ZNF44: variants seen among roughly 807,000 people sequenced by gnomAD.
The protein encoded by ZNF44 is zinc finger protein 44, also known as gonadotropin inducible transcription repressor-2.
In ZNF44, 9 loss-of-function variants were observed where a neutral mutation model predicts 11.7. The ratio of observed to expected loss-of-function variants is 0.77; its 90% CI spans 0.46 to 1.35. ZNF44 has a LOEUF of 1.35. Among genes scored for constraint, ZNF44 ranks in the 40% most tolerant of loss-of-function variants. The probability of loss-of-function intolerance (pLI) is 0.00; values close to 1 mark genes in which losing one functional copy is unlikely to be tolerated. For missense variants in ZNF44, 696 were observed against 743.1 expected, an observed-to-expected ratio of 0.94 and a Z score of 0.74; for synonymous variants, 224 against 242.7, an observed-to-expected ratio of 0.92 and a Z score of 0.72.
chr19:12,258,387 A>G (rs1917357667), intron 5 of ZNF44, among the ~76,000 whole-genome samples: 1 of 151,250 alleles, frequency 6.6e-6, no homozygotes, highest in African/African-American at 2.4e-5. Context: ...CCTTCACTAC[A>G]ACCATACAAC....
rs554919647 is a variant in ZNF44 at position 12,293,964 on chromosome 19, A to G, written c.3+728T>C. Among the ~76,000 whole-genome samples the G allele has an allele frequency of 3.3e-5, 5 of 151,326 alleles. No homozygotes were observed. In the South Asian group the frequency reaches 8.3e-4, roughly 25 times the overall value. On this transcript the variant is annotated intron_variant, in intron 1 of 3. Transcript: ENST00000355684. ...GCTGGAGGCGAGATTGCAGTTAGAT[A>G]TTAACCAGGTGCCCTCAGCCCCGCT...
chr19:12,280,803 A>G (rs1967447786), intron 1 of ZNF44, among the ~76,000 whole-genome samples: 1 of 152,226 alleles, frequency 6.6e-6, no homozygotes, highest in Non-Finnish European at 1.5e-5. Context: ...TGGAAGACCT[A>G]TATTACATTC....
In ZNF44 at chr19:12,251,217, G is replaced by C. The variant is rs56328371; in HGVS notation, c.1913-849C>G. Reference sequence around the variant, plus strand: ...GTGGTGGTGCATGCCTATAATTCCAGCTACTTAGGAGGCTGAGGCAGGAGA... The same window carrying C: ...GTGGTGGTGCATGCCTATAATTCCACCTACTTAGGAGGCTGAGGCAGGAGA... On this transcript the variant is annotated intron_variant and NMD_transcript_variant, in intron 5 of 7. Transcript: ENST00000393337. 8.4e-3 allele frequency among the ~76,000 whole-genome samples: 1,270 copies of C among 152,070 alleles called. 10 individuals carry two copies. Among genetic ancestry groups the C allele is most frequent in the Non-Finnish European group, 0.011 (774 of 68,008 alleles).
chr19:12,267,581 G>A (rs1917781606), downstream of ZNF44, among the ~76,000 whole-genome samples: 1 of 152,040 alleles, frequency 6.6e-6, no homozygotes, highest in Admixed American at 6.6e-5. Context: ...GTTGAAAGGG[G>A]CCCAAGAGTC....
chr19:12,283,773 G>A (rs570299472), intron 1 of ZNF44, among the ~76,000 whole-genome samples: 1 of 152,322 alleles, frequency 6.6e-6, no homozygotes, highest in South Asian at 2.1e-4. Context: ...CCAGTACTGT[G>A]GGAGGCCAAG....
Position 12,272,241 on chromosome 19 carries a change from G to T in ZNF44, c.*166C>A. 1 of 1,184,762 alleles carries T rather than the reference G, an allele frequency of 8.4e-7. No individual in the cohort carries two copies. Among genetic ancestry groups the T allele is most frequent in the African/African-American group, 1.6e-5 (1 of 63,346 alleles). 73.4% of individuals were successfully genotyped at this position (1,184,762 alleles called of 1,614,324 possible). A position where few individuals can be genotyped will look rare whatever the true frequency, so the allele number is the denominator to read the frequency against. Reference sequence around the variant, plus strand: ...GCTGGTCTCGATCTCCTGGCCTCGTGATCTGCCCTCCTCGGCCTCTCAAAG... The same window carrying T: ...GCTGGTCTCGATCTCCTGGCCTCGTTATCTGCCCTCCTCGGCCTCTCAAAG... On this transcript the variant is annotated 3_prime_UTR_variant, in exon 4 of 4. Coordinates refer to ENST00000355684, the MANE Select transcript of ZNF44 (RefSeq NM_016264.4).
intron 5 of ZNF44, among the ~76,000 whole-genome samples, chr19:12,253,616 T>C (rs1411371011): frequency 6.6e-6 from 1 of 152,092 alleles, no homozygotes; most frequent in African/African-American, 2.4e-5. Context: ...GATACATGAA[T>C]CCATGACTAT....
chr19:12,229,119 TTA>T (rs879524345), intron 3 of ZNF44, among the ~76,000 whole-genome samples: 38 of 152,188 alleles, frequency 2.5e-4, no homozygotes, highest in Non-Finnish European at 4.7e-4. Context: ...CCAATTATAA[TTA>T]GAGTTCCTTT....
intron 2 of ZNF44, among the ~76,000 whole-genome samples, chr19:12,275,569 C>A (rs537751580): frequency 6.6e-6 from 1 of 152,170 alleles, no homozygotes; most frequent in South Asian, 2.1e-4. Flanking sequence ...TGGTGTGAAC[C>A]CGGGAGGCGG....
At position 12,228,479 on chromosome 19, in the gene ZNF44, G is replaced by C. The variant is rs141226768; in HGVS notation, n.437-1952C>G. Among the ~76,000 whole-genome samples the C allele has an allele frequency of 2.0e-3, 302 of 152,218 alleles. 1 individual carries two copies. Among genetic ancestry groups the C allele is most frequent in the African/African-American group, 6.9e-3 (285 of 41,542 alleles). The stretch of plus-strand genomic sequence containing the variant: ...AGCTGCAAAGCAGGCAAGTTGTACA[G>C]GTAAGAGTTATAGGGGCATTTTATA... On this transcript the variant is annotated intron_variant and non_coding_transcript_variant, in intron 3 of 3. Transcript: ENST00000597563.
Position 12,276,011 on chromosome 19 carries a change from C to A in ZNF44, c.75G>T (p.Gln25His). Residue 25 changes from glutamine to histidine, a missense_variant, in exon 2 of 4, where the codon CAG becomes CAT. Transcript: ENST00000355684. ...HEEWALLGPS[Q>H]KNLYRDVMRE... ...GCATCACATCTCTGTAGAGATTCTTCTGTGATGGACCCAGCAAAGCCCACT... is the reference window on the plus strand; with the variant it reads ...GCATCACATCTCTGTAGAGATTCTTATGTGATGGACCCAGCAAAGCCCACT... 1 of 1,609,848 alleles carries A rather than the reference C, an allele frequency of 6.2e-7. No homozygotes were observed. The highest frequency in any genetic ancestry group is 8.5e-7 in the Non-Finnish European group (1 of 1,177,110).
At chr19:12,250,444 A>T in intron 5 of ZNF44, 1 of 1,175,538 alleles carries the variant, frequency 8.5e-7, no homozygotes, top group Non-Finnish European at 1.1e-6. Flanking sequence ...GAGTCATAAG[A>T]TGTTCACGAT....
chr19:12,271,122 C>A (rs1013535466), downstream of ZNF44, among the ~76,000 whole-genome samples: 2 of 152,028 alleles, frequency 1.3e-5, no homozygotes, highest in Non-Finnish European at 2.9e-5. Flanking sequence ...GATTTGGACA[C>A]GCGAAAAATT....
upstream of ZNF44, among the ~76,000 whole-genome samples, chr19:12,242,039 G>A (rs375291499): frequency 2.0e-5 from 3 of 152,090 alleles, no homozygotes; most frequent in East Asian, 3.9e-4. Flanking sequence ...CAAGGGATGG[G>A]GATGGGAGGA....
chr19:12,293,812 C>T (rs1244829893), intron 1 of ZNF44, among the ~76,000 whole-genome samples: 1 of 152,118 alleles, frequency 6.6e-6, no homozygotes, highest in Non-Finnish European at 1.5e-5. Flanking sequence ...AAAGAAAGGA[C>T]TGAAGAGCAC....
At chr19:12,232,374 G>A (rs531027049) in intron 2 of ZNF44, among the ~76,000 whole-genome samples, 5 of 152,254 alleles carry the variant, frequency 3.3e-5, no homozygotes, top group South Asian at 2.1e-4. Context: ...GACCCTTTAC[G>A]GGTGTCGGGC....
intron 1 of ZNF44, among the ~76,000 whole-genome samples, chr19:12,236,008 A>C (rs534271924): frequency 6.6e-6 from 1 of 152,378 alleles, no homozygotes; most frequent in South Asian, 2.1e-4. Context: ...TCCTCATGTG[A>C]AATGTTCACA....
In ZNF44 at chr19:12,249,862, T is replaced by G. The variant is rs78156575; in HGVS notation, c.*186+116A>C. 1,697 of 758,696 alleles carry G rather than the reference T, an allele frequency of 2.2e-3. 27 individuals carry two copies. In the African/African-American group the frequency reaches 0.029, roughly 13 times the overall value. The allele number at this position is 758,696 out of a possible 1,614,324, so 47.0% of individuals were successfully genotyped here. A position where few individuals can be genotyped will look rare whatever the true frequency, so the allele number is the denominator to read the frequency against. On this transcript the variant is annotated intron_variant and NMD_transcript_variant, in intron 7 of 7. Coordinates refer to the ZNF44 transcript ENST00000393337. ...CCACTGCGCTAGCTGGGTTAATATT[T>G]TCTAAGAACAGATACATTTGAGGCT...
At chr19:12,230,735 C>G (rs1312766139) in intron 2 of ZNF44, among the ~76,000 whole-genome samples, 1 of 152,158 alleles carries the variant, frequency 6.6e-6, no homozygotes, top group African/African-American at 2.4e-5. Flanking sequence ...CGAAATGCAG[C>G]TTGACAGTCA....
Sources: allele counts gnomAD v4.1 joint callset (sites outside exome capture counted in the v4.1 genomes callset), GRCh38; gene constraint gnomAD v4.1.1; transcripts MANE v1.5; gene names NCBI Gene and HGNC (gene_info 2026-07-23, HGNC 2026-07-21).